The following GAP43 variants were observed in gnomAD, a reference collection of about 807,000 sequenced individuals.
GAP43 encodes the protein growth associated protein 43.
In GAP43, 6 loss-of-function variants were observed where a neutral mutation model predicts 18.6. The observed-to-expected ratio is 0.32, with a 90% CI of 0.18 to 0.64. The LOEUF (loss-of-function observed/expected upper bound fraction) is 0.64, where lower values mean the gene tolerates loss of function less well. Ranked by LOEUF, GAP43 falls within the 30% of genes least tolerant of loss-of-function variation. GAP43 has a pLI of 0.78. For missense variants in GAP43, 292 were observed against 295.5 expected (o/e 0.99, Z 0.09); for synonymous variants, 115 against 111.4 (o/e 1.03, Z -0.20).
chr3:115,635,501 T>G (rs2107467399), intron 1 of GAP43, among the ~76,000 whole-genome samples: 1 of 152,218 alleles, frequency 6.6e-6, no homozygotes, highest in South Asian at 2.1e-4. Flanking sequence ...AAATGAGGAT[T>G]TCTATAACTG....
chr3:115,631,520 A>T (rs1163714561), intron 1 of GAP43, among the ~76,000 whole-genome samples: 1 of 152,202 alleles, frequency 6.6e-6, no homozygotes, highest in Non-Finnish European at 1.5e-5. Context: ...TCGAGCACTA[A>T]AGTATTCATG....
chr3:115,655,423 C>T (rs1334439491), intron 1 of GAP43, among the ~76,000 whole-genome samples: 1 of 152,030 alleles, frequency 6.6e-6, no homozygotes, highest in Non-Finnish European at 1.5e-5. Flanking sequence ...CAGTATTATC[C>T]CTAAAAATTA....
At chr3:115,661,097 A>T (rs973390476) in intron 1 of GAP43, 1 of 152,126 alleles carries the variant, frequency 6.6e-6, no homozygotes, top group African/African-American at 2.4e-5. Context: ...TCTTTCACAC[A>T]TAAGCAATTT....
At chr3:115,673,523 GC>G (rs1708839879) in intron 1 of GAP43, among the ~76,000 whole-genome samples, 1 of 152,226 alleles carries the variant, frequency 6.6e-6, no homozygotes, top group Non-Finnish European at 1.5e-5. Context: ...TGGCATCAAT[GC>G]CCAAGTGCAG....
In GAP43 at chr3:115,697,983, G is replaced by GCA. The variant is rs71886680; in HGVS notation, c.628+21374_628+21375insAC. On this transcript the variant is annotated intron_variant, in intron 2 of 2. Transcript: ENST00000305124. The stretch of plus-strand genomic sequence containing the variant: ...GCATAAAAATTCACAGAGTACATGT[G>GCA]CGTGTGTGTGTGTGTGTGTGTGTGT... Among the ~76,000 whole-genome samples the GCA allele has an allele frequency of 2.2e-3, 6 of 2,780 alleles. No homozygotes were observed. In the Admixed American group the frequency reaches 0.037, roughly 17 times the overall value. The allele number at this position is 2,780 out of a possible 152,430, so 1.8% of individuals were successfully genotyped here. A position where few individuals can be genotyped will look rare whatever the true frequency, so the allele number is the denominator to read the frequency against.
At chr3:115,712,628 G>A (rs1577003403) in intron 2 of GAP43, among the ~76,000 whole-genome samples, 2 of 152,136 alleles carry the variant, frequency 1.3e-5, no homozygotes, top group Non-Finnish European at 2.9e-5. Flanking sequence ...CCACGATAAG[G>A]TAGGGCACGC....
chr3:115,687,115 C>T lies in GAP43; in HGVS notation c.628+10505C>T, dbSNP rs3772927. Among the ~76,000 whole-genome samples the T allele has an allele frequency of 1.5e-3, 208 of 140,214 alleles. 2 individuals carry two copies. Among genetic ancestry groups the T allele is most frequent in the East Asian group, 4.8e-3 (21 of 4,352 alleles). The allele number at this position is 140,214 out of a possible 152,430, so 92.0% of individuals were successfully genotyped here. ...CTGAAGATGTCCTGAAATCCCCCCT[C>T]TTTTTTTTTTTTTGCATCTATCCCT... On this transcript the variant is annotated intron_variant, in intron 2 of 2. Transcript: ENST00000305124.
intron 1 of GAP43, among the ~76,000 whole-genome samples, chr3:115,637,068 G>A (rs1576977888): frequency 6.6e-6 from 1 of 151,886 alleles, no homozygotes; most frequent in South Asian, 2.1e-4. Flanking sequence ...CCTAAACTCC[G>A]GGCCCTGAAT....
chr3:115,719,186 A>G (rs1709546714), intron 2 of GAP43, among the ~76,000 whole-genome samples: 1 of 152,138 alleles, frequency 6.6e-6, no homozygotes, highest in Non-Finnish European at 1.5e-5. Flanking sequence ...AATAATCAGC[A>G]CCTAGTAGTT....
chr3:115,680,666 G>A lies in GAP43; in HGVS notation c.628+4056G>A, dbSNP rs73136439. Among the ~76,000 whole-genome samples, 1,006 of 152,190 alleles carry A rather than the reference G, an allele frequency of 6.6e-3. 5 individuals carry two copies. Among genetic ancestry groups the A allele is most frequent in the South Asian group, 0.013 (65 of 4,818 alleles). Reference sequence around the variant, plus strand: ...AATATGAATGAGGCAGTGCTTCAGGGGCTAAGATGCAGTCTGCTGCTTACT... The same window carrying A: ...AATATGAATGAGGCAGTGCTTCAGGAGCTAAGATGCAGTCTGCTGCTTACT... On this transcript the variant is annotated intron_variant, in intron 2 of 2. Coordinates refer to ENST00000305124, the MANE Select transcript of GAP43 (RefSeq NM_002045.4).
At chr3:115,679,310 C>T (rs1233536303) in intron 2 of GAP43, among the ~76,000 whole-genome samples, 1 of 152,126 alleles carries the variant, frequency 6.6e-6, no homozygotes, top group Non-Finnish European at 1.5e-5. Flanking sequence ...GTTGGGGGAA[C>T]TATAAATGTT....
intron 2 of GAP43, among the ~76,000 whole-genome samples, chr3:115,690,268 T>C (rs1023562214): frequency 1.6e-5 from 2 of 124,742 alleles, no homozygotes; most frequent in African/African-American, 6.1e-5. Flanking sequence ...GCAGCATCAG[T>C]CCCCAGCCAG....
At chr3:115,712,637 G>A (rs1709456622) in intron 2 of GAP43, among the ~76,000 whole-genome samples, 1 of 152,208 alleles carries the variant, frequency 6.6e-6, no homozygotes, top group South Asian at 2.1e-4. Flanking sequence ...GGTAGGGCAC[G>A]CATTATTATT....
At chr3:115,647,398 G>T (rs191817050) in intron 1 of GAP43, among the ~76,000 whole-genome samples, 1 of 152,034 alleles carries the variant, frequency 6.6e-6, no homozygotes, top group East Asian at 1.9e-4. Context: ...GAAGAAAGAA[G>T]GTTGATATTT....
chr3:115,675,511 C>A (rs1324358533), intron 1 of GAP43, among the ~76,000 whole-genome samples: 1 of 152,072 alleles, frequency 6.6e-6, no homozygotes, highest in East Asian at 1.9e-4. Context: ...CCTGTAATTC[C>A]AGCACTTTGG....
chr3:115,714,854 T>C (rs1222042451), intron 2 of GAP43, among the ~76,000 whole-genome samples: 2 of 148,740 alleles, frequency 1.3e-5, no homozygotes, highest in African/African-American at 5.0e-5. Flanking sequence ...GGTCACTACA[T>C]AGATACACGT....
intron 2 of GAP43, among the ~76,000 whole-genome samples, chr3:115,683,586 C>A (rs1404505752): frequency 1.0e-5 from 1 of 99,416 alleles, no homozygotes; most frequent in Non-Finnish European, 2.2e-5. Flanking sequence ...CTATAGACAG[C>A]CATAATTTGC....
rs182145729 is a variant in GAP43, at chr3:115,688,053, A to G, written c.628+11443A>G. On this transcript the variant is annotated intron_variant, in intron 2 of 2. Coordinates refer to ENST00000305124, the MANE Select transcript of GAP43 (RefSeq NM_002045.4). ...TATGTTTGAGATGGAGTCTCACTCT[A>G]TCACCCAGACTGGAGTGCAGTGGTG... Among the ~76,000 whole-genome samples the G allele has an allele frequency of 5.5e-3, 843 of 152,116 alleles. 6 individuals are homozygous for G. Among genetic ancestry groups the G allele is most frequent in the South Asian group, 6.4e-3 (31 of 4,820 alleles).
chr3:115,642,743 C>A (rs1461434172), intron 1 of GAP43, among the ~76,000 whole-genome samples: 2 of 152,004 alleles, frequency 1.3e-5, no homozygotes, highest in Admixed American at 6.6e-5. Context: ...ACTATGCCTG[C>A]CACATAGTAA....
Sources: gnomAD v4.1 joint callset for allele counts (sites outside exome capture counted in the v4.1 genomes callset) on GRCh38, gnomAD v4.1.1 for gene constraint, MANE v1.5 for transcripts, NCBI Gene and HGNC (gene_info 2026-07-23, HGNC 2026-07-21) for gene names.